The following AKIRIN1 variants were observed in gnomAD, a reference collection of about 807,000 sequenced individuals.
The protein encoded by AKIRIN1 is akirin 1.
Under a neutral mutation model 25.9 loss-of-function variants are expected in AKIRIN1, and 4 were observed. The ratio of observed to expected loss-of-function variants is 0.15; its 90% CI spans 0.08 to 0.35. The LOEUF is 0.35. AKIRIN1 is among the 10% of genes least tolerant of loss of function. The pLI, the probability that AKIRIN1 is intolerant of heterozygous loss-of-function variation, is 1.00. For missense variants in AKIRIN1, 243 were observed against 266.1 expected, an observed-to-expected ratio of 0.91 and a Z score of 0.61; for synonymous variants, 125 against 105.1, an observed-to-expected ratio of 1.19 and a Z score of -1.16.
At chr1:38,994,030 A>T (rs1294575388) in intron 1 of AKIRIN1, among the ~76,000 whole-genome samples, 1 of 151,616 alleles carries the variant, frequency 6.6e-6, no homozygotes, top group South Asian at 2.1e-4. Flanking sequence ...AGATCCGGCC[A>T]TTGCACTCCA....
Position 39,005,152 on chromosome 1 carries a change from A to C in AKIRIN1, c.*1097A>C, listed in dbSNP as rs1368692566. The C allele has an allele frequency of 1.3e-5, 2 of 152,116 alleles. No homozygotes were observed. The highest frequency in any genetic ancestry group is 2.9e-5 in the Non-Finnish European group (2 of 68,038). 9.4% of individuals were successfully genotyped at this position (152,116 alleles called of 1,614,324 possible). On this transcript the variant is annotated 3_prime_UTR_variant, in exon 5 of 5. Transcript: ENST00000432648. ...GAAACCCCATCTCTACTAAAAATACAACAAAGTTAGCCGGGCGTGGTGGCA... is the reference window on the plus strand; with the variant it reads ...GAAACCCCATCTCTACTAAAAATACCACAAAGTTAGCCGGGCGTGGTGGCA...
rs10528399 is a variant in AKIRIN1 at position 38,994,672 on chromosome 1, ATTTTTTTTTTTTTTTTTTTTTTTTTTT to A, written c.220+3080_220+3106del. Among the ~76,000 whole-genome samples, 8 of 63,558 alleles carry A rather than the reference ATTTTTTTTTTTTTTTTTTTTTTTTTTT, an allele frequency of 1.3e-4. No homozygotes were observed. In the South Asian group the frequency reaches 5.4e-3, roughly 43 times the overall value. The allele number at this position is 63,558 out of a possible 152,430, so 41.7% of individuals were successfully genotyped here. ...AGGCATGTGTCACTACGCTCGGCTA[ATTTTTTTTTTTTTTTTTTTTTTTTTTT>A]TTTTTTTGAGATGACGTTTCGCTCT... On this transcript the variant is annotated intron_variant, in intron 1 of 4. Transcript: ENST00000432648.
At chr1:38,994,011 G>A (rs1232230116) in intron 1 of AKIRIN1, among the ~76,000 whole-genome samples, 4 of 151,538 alleles carry the variant, frequency 2.6e-5, no homozygotes, top group African/African-American at 7.3e-5. Context: ...CGGAGATTGC[G>A]GTAAGCCGAG....
intron 1 of AKIRIN1, among the ~76,000 whole-genome samples, chr1:38,996,761 C>T (rs1246747387): frequency 6.7e-6 from 1 of 150,096 alleles, no homozygotes; most frequent in African/African-American, 2.5e-5. Context: ...GATTTCATGA[C>T]CTTGTGATCT....
chr1:38,998,404 G>C, intron 2 of AKIRIN1, 93 bp downstream of exon 2: 2 of 1,345,244 alleles, frequency 1.5e-6, no homozygotes, highest in South Asian at 3.3e-5. Flanking sequence ...TAATGTAATA[G>C]AATTGCTAAC....
At chr1:39,000,014 C>T (rs1643976849) in intron 2 of AKIRIN1, among the ~76,000 whole-genome samples, 1 of 151,958 alleles carries the variant, frequency 6.6e-6, no homozygotes, top group Non-Finnish European at 1.5e-5. Flanking sequence ...TCCCGAGTAG[C>T]TGGGACTACA....
intron 1 of AKIRIN1, among the ~76,000 whole-genome samples, chr1:38,994,409 G>T (rs963787270): frequency 1.3e-5 from 2 of 152,180 alleles, no homozygotes; most frequent in Admixed American, 6.5e-5. Flanking sequence ...GTTGCTGACC[G>T]CAGGAAATAT....
intron 4 of AKIRIN1, among the ~76,000 whole-genome samples, chr1:39,003,623 A>T (rs930196996): frequency 4.0e-4 from 61 of 152,206 alleles, no homozygotes; most frequent in Admixed American, 2.0e-4. Context: ...TTTTACTGGT[A>T]AAGATAGCAT....
intron 1 of AKIRIN1, among the ~76,000 whole-genome samples, chr1:38,996,151 A>G (rs116546321): frequency 0.011 from 1,613 of 150,768 alleles, 15 homozygotes; most frequent in Non-Finnish European, 0.016. Context: ...CTGGAGTCCA[A>G]TGGGGTGATC....
intron 4 of AKIRIN1, among the ~76,000 whole-genome samples, 173 bp from the exon 5 acceptor site, chr1:39,003,872 A>G (rs1479834156): frequency 2.0e-5 from 3 of 152,248 alleles, no homozygotes; most frequent in Non-Finnish European, 4.4e-5. Flanking sequence ...TAACAGTTGT[A>G]TATCTAACTG....
rs1643987086 is a variant in AKIRIN1, at chr1:39,001,002, C to T, written c.392C>T (p.Thr131Ile). 1 of 1,613,484 alleles carries T rather than the reference C, an allele frequency of 6.2e-7. No homozygotes were observed. Among genetic ancestry groups the T allele is most frequent in the Non-Finnish European group, 8.5e-7 (1 of 1,179,798 alleles). Reference protein sequence around the residue: ...GSSWMKKDQPTFTLRQVGIIC... With the variant: ...GSSWMKKDQPIFTLRQVGIIC... ...TCATGGATGAAGAAGGACCAGCCCA[C>T]ATTTACCCTCCGACAAGTTGGCATA... is the stretch of plus-strand genomic sequence containing the variant. The change falls in exon 3 of 5, where the codon ACA becomes ATA. Residue 131 changes from threonine (T) to isoleucine (I), a missense_variant. Transcript: ENST00000432648.
intron 3 of AKIRIN1, among the ~76,000 whole-genome samples, chr1:39,001,917 C>T (rs1295423198): frequency 2.6e-5 from 4 of 151,888 alleles, no homozygotes; most frequent in Admixed American, 6.6e-5. Context: ...ATGGATGTGG[C>T]GAGTTGGGTG....
rs1643961051 is a variant in AKIRIN1, at chr1:38,998,132, CAAT to C, written c.221-36_221-34del. ...CTGAAGAAAGTTTGAAGAAATGAGA[CAAT>C]AAAGTGAAAGCTCAAGTTTGTTTCT... is the stretch of plus-strand genomic sequence containing the variant. On this transcript the variant is annotated intron_variant, in intron 1 of 4. Transcript: ENST00000432648. 5 of 1,585,088 alleles carry C rather than the reference CAAT, an allele frequency of 3.2e-6. No homozygotes were observed. The South Asian group carries it at 5.7e-5, about 18-fold the overall frequency.
chr1:38,998,263 T>A lies in AKIRIN1; in HGVS notation c.313T>A (p.Ser105Thr). The A allele has an allele frequency of 1.9e-6, 3 of 1,613,994 alleles. No homozygotes were observed. The highest frequency in any genetic ancestry group is 2.5e-6 in the Non-Finnish European group (3 of 1,179,920). The part of the protein sequence containing the change: ...VVLNQSEACA[S>T]ESQPHSSALT... ...TCTTAATCAGAGTGAAGCTTGTGCTTCGGAAAGTCAACCTCACTCCTCAGC... is the reference window on the plus strand; with the variant it reads ...TCTTAATCAGAGTGAAGCTTGTGCTACGGAAAGTCAACCTCACTCCTCAGC... The change falls in exon 2 of 5, where the codon TCG (serine) becomes ACG (threonine). Residue 105 changes from serine (S) to threonine (T), a missense_variant. Ser to Thr is a moderately conservative substitution (Grantham distance 58). Transcript: ENST00000432648.
intron 2 of AKIRIN1, among the ~76,000 whole-genome samples, chr1:38,999,982 A>G (rs1570975111): frequency 6.6e-6 from 1 of 152,056 alleles, no homozygotes; most frequent in Admixed American, 6.6e-5. Flanking sequence ...TCCCAGGTTC[A>G]AGCAATTCTT....
At chr1:38,997,268 G>A (rs1643954936) in intron 1 of AKIRIN1, among the ~76,000 whole-genome samples, 1 of 152,104 alleles carries the variant, frequency 6.6e-6, no homozygotes, top group African/African-American at 2.4e-5. Flanking sequence ...TGTATTTCAA[G>A]GTGGTTAGTA....
intron 1 of AKIRIN1, among the ~76,000 whole-genome samples, 165 bp downstream of exon 1, chr1:38,991,765 G>A (rs1012588690): frequency 1.3e-5 from 2 of 152,174 alleles, no homozygotes; most frequent in African/African-American, 4.8e-5. Context: ...TTCCGGTGAT[G>A]GGAGGCATCC....
At chr1:39,000,659 TTTTC>T (rs1643982926) in intron 2 of AKIRIN1, among the ~76,000 whole-genome samples, 1 of 151,250 alleles carries the variant, frequency 6.6e-6, no homozygotes, top group Non-Finnish European at 1.5e-5. Context: ...TTTTTTTCTT[TTTTC>T]TTTTTTTTTT....
chr1:39,003,912 T>C, intron 4 of AKIRIN1, 133 bp from the exon 5 acceptor site: 1 of 720,302 alleles, frequency 1.4e-6, no homozygotes. Flanking sequence ...AAATTCTTGA[T>C]CTTTAGTATC....
Sources: allele counts gnomAD v4.1 joint callset (sites outside exome capture counted in the v4.1 genomes callset), GRCh38; gene constraint gnomAD v4.1.1; transcripts MANE v1.5; gene names NCBI Gene and HGNC (gene_info 2026-07-23, HGNC 2026-07-21).